ARB2A: variants seen among roughly 807,000 people sequenced by gnomAD.
ARB2A encodes cotranscriptional regulator ARB2A.
chr5:93,792,865 A>T, the ARB2A span, among the ~76,000 whole-genome samples: 22 of 152,008 alleles, frequency 1.4e-4, no homozygotes, highest in South Asian at 8.3e-4. Flanking sequence ...ATAAAAAAAT[A>T]AAAAAAAGAT....
chr5:94,033,982 G>T, the ARB2A span, among the ~76,000 whole-genome samples: 1 of 152,152 alleles, frequency 6.6e-6, no homozygotes, highest in Non-Finnish European at 1.5e-5. Flanking sequence ...CAAGCAGGTT[G>T]TTACAAAGTG....
chr5:94,092,560 AATCTT>A, the ARB2A span, among the ~76,000 whole-genome samples: 2 of 152,128 alleles, frequency 1.3e-5, no homozygotes, highest in African/African-American at 2.4e-5. Context: ...ATTTTCTTGA[AATCTT>A]ATCTGTAAAT....
the ARB2A span, among the ~76,000 whole-genome samples, chr5:93,841,838 T>C: frequency 2.0e-5 from 3 of 152,356 alleles, no homozygotes; most frequent in Admixed American, 2.0e-4. Flanking sequence ...GTTGCTTATG[T>C]ATCTAACAGT....
At chr5:93,781,022 C>CT in the ARB2A span, among the ~76,000 whole-genome samples, 13 of 151,930 alleles carry the variant, frequency 8.6e-5, no homozygotes, top group African/African-American at 2.9e-4. Flanking sequence ...CACATCCTTT[C>CT]TTTTTTTTAT....
At chr5:93,967,640 G>A in the ARB2A span, among the ~76,000 whole-genome samples, 5 of 152,080 alleles carry the variant, frequency 3.3e-5, no homozygotes, top group Non-Finnish European at 7.4e-5. Context: ...TTTACTTCCA[G>A]GAGGGCTACT....
the ARB2A span, among the ~76,000 whole-genome samples, chr5:93,898,669 T>C: frequency 6.6e-6 from 1 of 152,094 alleles, no homozygotes; most frequent in Non-Finnish European, 1.5e-5. Flanking sequence ...ATATGGGAAC[T>C]ATTCTCAAGT....
the ARB2A span, among the ~76,000 whole-genome samples, chr5:93,904,025 C>G: frequency 2.0e-5 from 3 of 151,762 alleles, no homozygotes; most frequent in East Asian, 3.9e-4. Context: ...TCGGGAGGTA[C>G]AGGCAGAAAC....
the ARB2A span, among the ~76,000 whole-genome samples, chr5:93,960,383 G>A: frequency 6.6e-6 from 1 of 151,880 alleles, no homozygotes; most frequent in African/African-American, 2.4e-5. Context: ...CCCCTTCCCT[G>A]TTTTATTTTC....
chr5:93,793,520 A>G, the ARB2A span, among the ~76,000 whole-genome samples: 1 of 152,192 alleles, frequency 6.6e-6, no homozygotes, highest in African/African-American at 2.4e-5. Flanking sequence ...GGGCAAATCC[A>G]TATTTGTTAA....
chr5:93,937,530 T>C, the ARB2A span, among the ~76,000 whole-genome samples: 1 of 151,714 alleles, frequency 6.6e-6, no homozygotes, highest in African/African-American at 2.4e-5. Context: ...GAGAATCGCC[T>C]GAACCCAGGA....
At chr5:93,893,185 C>T in the ARB2A span, among the ~76,000 whole-genome samples, 2 of 152,038 alleles carry the variant, frequency 1.3e-5, no homozygotes, top group Non-Finnish European at 2.9e-5. Flanking sequence ...TTATCAGGAA[C>T]ATAACTGCCA....
At chr5:94,055,900 T>C in the ARB2A span, 2 of 985,340 alleles carry the variant, frequency 2.0e-6, no homozygotes, top group South Asian at 4.7e-5. Flanking sequence ...TCTGTTAGCC[T>C]AGACCATAAA....
chr5:93,692,931 A>T, the ARB2A span, among the ~76,000 whole-genome samples: 1 of 152,214 alleles, frequency 6.6e-6, no homozygotes, highest in East Asian at 1.9e-4. Flanking sequence ...TGGAAACTGA[A>T]CAACCTGCTC....
At chr5:93,746,244 T>C in the ARB2A span, among the ~76,000 whole-genome samples, 2 of 152,162 alleles carry the variant, frequency 1.3e-5, no homozygotes, top group Non-Finnish European at 2.9e-5. Context: ...TGTAATAACA[T>C]AGAAAAAGAG....
the ARB2A span, among the ~76,000 whole-genome samples, chr5:93,753,690 T>C: frequency 6.6e-6 from 1 of 152,228 alleles, no homozygotes; most frequent in Non-Finnish European, 1.5e-5. Context: ...ATCTTTCTAA[T>C]TTTGAAGTGC....
chr5:93,623,372 TATG>T, the ARB2A span, among the ~76,000 whole-genome samples: 1 of 152,204 alleles, frequency 6.6e-6, no homozygotes, highest in Non-Finnish European at 1.5e-5. Context: ...TTACTAAGGC[TATG>T]ATCAATTTGT....
the ARB2A span, chr5:93,805,133 A>G: frequency 4.1e-6 from 4 of 982,618 alleles, no homozygotes; most frequent in African/African-American, 3.5e-5. Context: ...ATATGTTATA[A>G]TACAAACATG....
chr5:94,048,922 A>G, the ARB2A span, among the ~76,000 whole-genome samples: 2 of 152,202 alleles, frequency 1.3e-5, no homozygotes, highest in African/African-American at 4.8e-5. Context: ...ACAGAAATGC[A>G]GGAGATCAAA....
the ARB2A span, among the ~76,000 whole-genome samples, chr5:93,630,424 T>A: frequency 2.2e-4 from 33 of 152,156 alleles, no homozygotes; most frequent in Non-Finnish European, 3.5e-4. Context: ...CCCTTTAAAG[T>A]TGAGATTGTA....
Sources: allele counts gnomAD v4.1 joint callset (sites outside exome capture counted in the v4.1 genomes callset), GRCh38; gene constraint gnomAD v4.1.1; transcripts MANE v1.5; gene names NCBI Gene and HGNC (gene_info 2026-07-23, HGNC 2026-07-21).